Variants in SEMA5A observed in about 807,000 individuals in gnomAD.
SEMA5A encodes semaphorin 5A.
Under a neutral mutation model 135.5 loss-of-function variants are expected in SEMA5A, and 55 were observed. That is an observed-to-expected ratio of 0.41 (90% confidence interval 0.33 to 0.51). The LOEUF is 0.51. SEMA5A is among the 20% of genes least tolerant of loss of function. SEMA5A has a pLI of 0.37. For missense variants in SEMA5A, 1,290 were observed against 1,419.9 expected (o/e 0.91, Z 1.47); for synonymous variants, 580 against 546.5 (o/e 1.06, Z -0.85).
intron 15 of SEMA5A, among the ~76,000 whole-genome samples, chr5:9,109,028 A>ATTTTTTTTTTTTTTTTTTTTTT (rs67762219): frequency 3.2e-5 from 3 of 92,440 alleles, no homozygotes; most frequent in African/African-American, 4.6e-5. Flanking sequence ...TTTCTCTTCA[A>ATTTTTTTTTTTTTTTTTTTTTT]TTTTTTTTTT....
At chr5:9,440,315 C>T (rs777802647) in intron 1 of SEMA5A, among the ~76,000 whole-genome samples, 1 of 152,226 alleles carries the variant, frequency 6.6e-6, no homozygotes, top group Non-Finnish European at 1.5e-5. Flanking sequence ...AACTACAAAG[C>T]CCCAGAGGCT....
intron 19 of SEMA5A, 146 bp downstream of exon 19, chr5:9,053,941 C>T (rs1736739070): frequency 2.5e-6 from 2 of 798,146 alleles, no homozygotes; most frequent in Non-Finnish European, 3.9e-6. Context: ...GTTTTAAAGT[C>T]ACTTCAAGGG....
intron 1 of SEMA5A, among the ~76,000 whole-genome samples, chr5:9,515,276 T>A (rs1461096734): frequency 6.6e-6 from 1 of 152,166 alleles, no homozygotes; most frequent in Non-Finnish European, 1.5e-5. Flanking sequence ...AAATTCAAAA[T>A]TTAAAGTACA....
intron 9 of SEMA5A, among the ~76,000 whole-genome samples, chr5:9,199,994 C>T (rs1463793241): frequency 1.3e-5 from 2 of 152,186 alleles, no homozygotes; most frequent in Admixed American, 6.5e-5. Context: ...AGCCCTGAAG[C>T]TCAGCCCAGT....
intron 5 of SEMA5A, among the ~76,000 whole-genome samples, chr5:9,297,145 T>A (rs563767298): frequency 1.1e-3 from 162 of 151,916 alleles, no homozygotes; most frequent in African/African-American, 2.2e-3. Flanking sequence ...AGTGACAAAT[T>A]CAACCTAAAA....
intron 18 of SEMA5A, 97 bp from the exon 19 acceptor site, chr5:9,054,354 G>A (rs1218005118): frequency 2.5e-5 from 36 of 1,454,060 alleles, no homozygotes; most frequent in Non-Finnish European, 3.1e-5. Flanking sequence ...TGTTTAGTAA[G>A]GGAAACAAAA....
chr5:9,501,210 G>T (rs1222839909), intron 1 of SEMA5A, among the ~76,000 whole-genome samples: 2 of 152,156 alleles, frequency 1.3e-5, no homozygotes, highest in Non-Finnish European at 2.9e-5. Flanking sequence ...TGTCAAAATG[G>T]TTGCTAACAC....
intron 11 of SEMA5A, among the ~76,000 whole-genome samples, chr5:9,174,849 A>C (rs1446876771): frequency 6.6e-6 from 1 of 152,334 alleles, no homozygotes; most frequent in East Asian, 1.9e-4. Flanking sequence ...CGTGCCCTTC[A>C]TGTTAGACTA....
At chr5:9,369,590 A>ATCC (rs1755052333) in intron 3 of SEMA5A, among the ~76,000 whole-genome samples, 1 of 152,164 alleles carries the variant, frequency 6.6e-6, no homozygotes, top group Non-Finnish European at 1.5e-5. Flanking sequence ...CCACTTGTTG[A>ATCC]AGACTACTAT....
chr5:9,520,125 C>A, intron 1 of SEMA5A, among the ~76,000 whole-genome samples: 1 of 152,206 alleles, frequency 6.6e-6, no homozygotes, highest in East Asian at 1.9e-4. Context: ...CATTCCCACC[C>A]CCAAATTGTA....
chr5:9,240,746 C>T (rs1225588914), intron 5 of SEMA5A, among the ~76,000 whole-genome samples: 2 of 152,034 alleles, frequency 1.3e-5, no homozygotes, highest in Non-Finnish European at 2.9e-5. Flanking sequence ...CCTTCTCTTT[C>T]ATTTCTCAGT....
intron 13 of SEMA5A, among the ~76,000 whole-genome samples, chr5:9,130,709 T>G (rs1741362454): frequency 6.6e-6 from 1 of 152,220 alleles, no homozygotes; most frequent in Admixed American, 6.5e-5. Flanking sequence ...CTTTTCTTTC[T>G]CTTATATTAA....
At chr5:9,219,329 G>A (rs910143806) in intron 8 of SEMA5A, among the ~76,000 whole-genome samples, 5 of 152,178 alleles carry the variant, frequency 3.3e-5, no homozygotes, top group Non-Finnish European at 7.4e-5. Flanking sequence ...AGTGGGTCTG[G>A]AAAGAGAGGG....
chr5:9,381,621 A>T (rs2126486182), intron 2 of SEMA5A, among the ~76,000 whole-genome samples: 1 of 152,270 alleles, frequency 6.6e-6, no homozygotes, highest in Non-Finnish European at 1.5e-5. Flanking sequence ...GAGAGAACAC[A>T]TTTAGGTGCT....
rs187793316 is a variant in SEMA5A at position 9,070,010 on chromosome 5, C to T, written c.2074-3364G>A. ...GAATGTCATATGCCACTGCCCTTCCCTCCCTCACTCCGAGCCAGCCTGGCC... is the reference window on the plus strand; with the variant it reads ...GAATGTCATATGCCACTGCCCTTCCTTCCCTCACTCCGAGCCAGCCTGGCC... On this transcript the variant is annotated intron_variant, in intron 16 of 22. Transcript: ENST00000382496. Among the ~76,000 whole-genome samples the T allele has an allele frequency of 3.9e-5, 6 of 152,286 alleles. No homozygotes were observed. The East Asian group carries it at 9.6e-4, about 24-fold the overall frequency.
At chr5:9,390,174 G>A (rs1756089297) in intron 2 of SEMA5A, among the ~76,000 whole-genome samples, 2 of 152,098 alleles carry the variant, frequency 1.3e-5, no homozygotes, top group South Asian at 4.1e-4. Context: ...AGATTCCCAT[G>A]GTTTTGAAAA....
At chr5:9,230,565 C>A (rs42351) in intron 6 of SEMA5A, among the ~76,000 whole-genome samples, 1 of 152,082 alleles carries the variant, frequency 6.6e-6, no homozygotes, top group Non-Finnish European at 1.5e-5. Context: ...CTATTATTGG[C>A]GATGAGCCAC....
chr5:9,153,192 G>C (rs1742729994), intron 12 of SEMA5A, among the ~76,000 whole-genome samples: 1 of 152,124 alleles, frequency 6.6e-6, no homozygotes, highest in South Asian at 2.1e-4. Context: ...ATGTCTGTGA[G>C]TGATATATCA....
chr5:9,223,861 A>G lies in SEMA5A; in HGVS notation c.646+813T>C, dbSNP rs550702837. ...AGGGCTTTGTACACAGCGAACCTCA[A>G]TTTGGATGGTTGTCACCATCTTCTG... On this transcript the variant is annotated intron_variant, in intron 8 of 22. Coordinates refer to ENST00000382496, the MANE Select transcript of SEMA5A (RefSeq NM_003966.3). Among the ~76,000 whole-genome samples the G allele has an allele frequency of 5.3e-5, 8 of 152,242 alleles. No homozygotes were observed. In the South Asian group the frequency reaches 1.5e-3, roughly 28 times the overall value.
Sources: gnomAD v4.1 joint callset for allele counts (sites outside exome capture counted in the v4.1 genomes callset) on GRCh38, gnomAD v4.1.1 for gene constraint, MANE v1.5 for transcripts, NCBI Gene and HGNC (gene_info 2026-07-23, HGNC 2026-07-21) for gene names.